Variants in DHX15 observed in about 807,000 individuals in gnomAD.
The protein encoded by DHX15 is DEAH-box helicase 15.
DHX15 carries 11 observed loss-of-function variants against 94.4 expected under a neutral mutation model. The observed-to-expected ratio is 0.12, with a 90% CI of 0.07 to 0.19. DHX15 has a LOEUF of 0.19. Among genes scored for constraint, DHX15 ranks in the 10% least tolerant of loss-of-function variants. The pLI is 1.00. For missense variants in DHX15, 304 were observed against 988.5 expected, an observed-to-expected ratio of 0.31 and a Z score of 9.29; for synonymous variants, 338 against 329.9, an observed-to-expected ratio of 1.02 and a Z score of -0.27.
At chr4:24,573,982 G>A (rs1261910015) in intron 2 of DHX15, among the ~76,000 whole-genome samples, 1 of 151,630 alleles carries the variant, frequency 6.6e-6, no homozygotes, top group Non-Finnish European at 1.5e-5. Context: ...AATAACTTGA[G>A]GTCAGGATTT....
At chr4:24,541,602 A>C (rs1721314370) in intron 8 of DHX15, among the ~76,000 whole-genome samples, 1 of 152,116 alleles carries the variant, frequency 6.6e-6, no homozygotes, top group South Asian at 2.1e-4. Flanking sequence ...TGAAATTGTA[A>C]AGAAAGATAT....
Position 24,576,549 on chromosome 4 carries a change from A to G in DHX15, c.201T>C (p.Ala67=), listed in dbSNP as rs181785787. The part of the protein sequence containing the change: ...KEKELRASTN[A]MLISAGLPPL... ...GTGGTAATCCAGCACTGATAAGCAT[A>G]GCATTTGTTGAAGCTCGCAACTCCT... The change falls in exon 2 of 14, where the codon GCT becomes GCC. Residue 67 remains alanine (A), a synonymous_variant. Transcript: ENST00000336812. 1 of 1,614,226 alleles carries G rather than the reference A, an allele frequency of 6.2e-7. No individual in the cohort carries two copies. The highest frequency in any genetic ancestry group is 2.2e-5 in the East Asian group (1 of 44,882).
Position 24,527,758 on chromosome 4 carries a change from A to G in DHX15, c.*166T>C, listed in dbSNP as rs532170373. The stretch of plus-strand genomic sequence containing the variant: ...GTGTCAACACAAAAGGGAGGCATAA[A>G]TGTTTAATTTATGAAATCAGAATGG... On this transcript the variant is annotated 3_prime_UTR_variant, in exon 14 of 14. Coordinates refer to ENST00000336812, the MANE Select transcript of DHX15 (RefSeq NM_001358.3). 2.0e-5 allele frequency: 11 copies of G among 545,224 alleles called. No individual in the cohort carries two copies. The highest frequency in any genetic ancestry group is 1.3e-4 in the Admixed American group (4 of 31,918). 33.8% of individuals were successfully genotyped at this position (545,224 alleles called of 1,614,324 possible).
At chr4:24,558,180 T>C (rs771782137) in intron 3 of DHX15, among the ~76,000 whole-genome samples, 2 of 152,114 alleles carry the variant, frequency 1.3e-5, no homozygotes, top group African/African-American at 2.4e-5. Flanking sequence ...TTCACATTAT[T>C]TGAGGTGAAA....
rs996419262 is a variant in DHX15 at position 24,527,885 on chromosome 4, A to G, written c.*39T>C. On this transcript the variant is annotated 3_prime_UTR_variant, in exon 14 of 14. Coordinates refer to ENST00000336812, the MANE Select transcript of DHX15 (RefSeq NM_001358.3). ...AACTTTTGAGTTCATTCATCTTTTA[A>G]AGCTGTCCTCTCAATAACTTCAGTT... 3 of 1,453,226 alleles carry G rather than the reference A, an allele frequency of 2.1e-6. No homozygotes were observed. Among genetic ancestry groups the G allele is most frequent in the Non-Finnish European group, 1.9e-6 (2 of 1,035,856 alleles). The allele number at this position is 1,453,226 out of a possible 1,614,324, so 90.0% of individuals were successfully genotyped here. A position where few individuals can be genotyped will look rare whatever the true frequency, so the allele number is the denominator to read the frequency against.
intron 6 of DHX15, among the ~76,000 whole-genome samples, chr4:24,546,312 A>C (rs1721423038): frequency 6.6e-6 from 1 of 152,242 alleles, no homozygotes; most frequent in Admixed American, 6.5e-5. Context: ...TATGCTCTGA[A>C]CCATATTAAT....
Position 24,576,033 on chromosome 4 carries a change from G to A in DHX15, c.507+210C>T, listed in dbSNP as rs375795524. 3.2e-4 allele frequency among the ~76,000 whole-genome samples: 49 copies of A among 152,190 alleles called. No homozygotes were observed. In the East Asian group the frequency reaches 7.7e-3, roughly 24 times the overall value. On this transcript the variant is annotated intron_variant, in intron 2 of 13. Transcript: ENST00000336812. Reference sequence around the variant, plus strand: ...CATAAGGTAACAAAATTTGAAAAGCGAGCACCACTATTTTCCCCTAGATTC... The same window carrying A: ...CATAAGGTAACAAAATTTGAAAAGCAAGCACCACTATTTTCCCCTAGATTC...
chr4:24,550,507 AC>A (rs1230351727), intron 5 of DHX15, among the ~76,000 whole-genome samples: 1 of 152,134 alleles, frequency 6.6e-6, no homozygotes, highest in African/African-American at 2.4e-5. Flanking sequence ...AAAATTTTTT[AC>A]TTTTTCAACT....
In DHX15 at chr4:24,584,310, C is replaced by A. The variant is rs985331754; in HGVS notation, c.71+13G>T. 2 of 1,609,170 alleles carry A rather than the reference C, an allele frequency of 1.2e-6. No individual in the cohort carries two copies. The highest frequency in any genetic ancestry group is 2.7e-5 in the African/African-American group (2 of 74,606). ...AGCCCGAGCTGCCGCCTCGCGCCCCCGGCCTGGCTTACCCATCGGTCCCCG... is the reference window on the plus strand; with the variant it reads ...AGCCCGAGCTGCCGCCTCGCGCCCCAGGCCTGGCTTACCCATCGGTCCCCG... On this transcript the variant is annotated intron_variant, in intron 1 of 13. Transcript: ENST00000336812.
chr4:24,558,170 T>C (rs1042915834), intron 3 of DHX15, among the ~76,000 whole-genome samples: 1 of 152,132 alleles, frequency 6.6e-6, no homozygotes, highest in African/African-American at 2.4e-5. Context: ...GACCCAACAA[T>C]TCACATTATT....
chr4:24,556,452 C>G, intron 3 of DHX15, 42 bp from the exon 4 acceptor site: 1 of 1,495,786 alleles, frequency 6.7e-7, no homozygotes. Flanking sequence ...TCCGTTAGGT[C>G]ATTTTAAAAC....
At chr4:24,532,559 C>T (rs1323490143) in intron 12 of DHX15, among the ~76,000 whole-genome samples, 1 of 152,228 alleles carries the variant, frequency 6.6e-6, no homozygotes, top group Non-Finnish European at 1.5e-5. Flanking sequence ...TGCCTAATCA[C>T]ATCTGAAAGT....
chr4:24,533,070 G>T lies in DHX15; in HGVS notation c.1910-16C>A. The stretch of plus-strand genomic sequence containing the variant: ...GATTCATGATCTAAAAAGGTAGAAG[G>T]CGGGGAGAAAAGAAGGCACCATGAA... On this transcript the variant is annotated splice_polypyrimidine_tract_variant and intron_variant, in intron 11 of 13. Transcript: ENST00000336812. 3.1e-6 allele frequency: 5 copies of T among 1,611,050 alleles called. No homozygotes were observed. Among genetic ancestry groups the T allele is most frequent in the Non-Finnish European group, 4.2e-6 (5 of 1,177,260 alleles).
At chr4:24,574,481 T>C (rs912179223) in intron 2 of DHX15, among the ~76,000 whole-genome samples, 1 of 151,068 alleles carries the variant, frequency 6.6e-6, no homozygotes, top group African/African-American at 2.4e-5. Context: ...AAACCTCATC[T>C]TGAGTTGACC....
intron 2 of DHX15, among the ~76,000 whole-genome samples, chr4:24,571,842 A>G (rs2109009341): frequency 6.6e-6 from 1 of 152,272 alleles, no homozygotes; most frequent in East Asian, 1.9e-4. Flanking sequence ...AAATATCTGA[A>G]AGGGAGGGTA....
At chr4:24,574,541 T>C (rs1322378662) in intron 2 of DHX15, among the ~76,000 whole-genome samples, 4 of 152,182 alleles carry the variant, frequency 2.6e-5, no homozygotes, top group African/African-American at 9.7e-5. Context: ...GAAATGAGGC[T>C]ACCCATAATC....
intron 3 of DHX15, among the ~76,000 whole-genome samples, chr4:24,569,637 T>A (rs1340026549): frequency 1.3e-5 from 2 of 149,502 alleles, no homozygotes; most frequent in East Asian, 3.9e-4. Flanking sequence ...GTTTCATTTA[T>A]CCCATTAACA....
intron 2 of DHX15, among the ~76,000 whole-genome samples, chr4:24,575,494 A>C (rs1245778364): frequency 6.6e-6 from 1 of 152,176 alleles, no homozygotes; most frequent in South Asian, 2.1e-4. Flanking sequence ...TTAGAATGCA[A>C]TTTTTCACCT....
At chr4:24,559,609 T>A (rs1721818708) in intron 3 of DHX15, among the ~76,000 whole-genome samples, 1 of 152,230 alleles carries the variant, frequency 6.6e-6, no homozygotes, top group African/African-American at 2.4e-5. Flanking sequence ...GTCACAATAG[T>A]AAAATTTTAA....
Sources: gnomAD v4.1 joint callset for allele counts (sites outside exome capture counted in the v4.1 genomes callset) on GRCh38, gnomAD v4.1.1 for gene constraint, MANE v1.5 for transcripts, NCBI Gene and HGNC (gene_info 2026-07-23, HGNC 2026-07-21) for gene names.